Variants in CLVS2 observed in about 807,000 individuals in gnomAD.
The protein encoded by CLVS2 is clavesin-2.
CLVS2 carries 19 observed loss-of-function variants against 29.0 expected under a neutral mutation model. That is an observed-to-expected ratio of 0.66 (90% CI 0.46 to 0.96). The LOEUF is 0.96. Ranked by LOEUF, CLVS2 falls within the 40% of genes least tolerant of loss-of-function variation. The probability of loss-of-function intolerance (pLI) is 0.00; values close to 1 mark genes in which losing one functional copy is unlikely to be tolerated. For synonymous variants in CLVS2, 161 were observed against 151.3 expected, an observed-to-expected ratio of 1.06 and a Z score of -0.47; for missense variants, 294 against 404.1, an observed-to-expected ratio of 0.73 and a Z score of 2.34.
chr6:123,042,866 C>A (rs1270207072), intron 3 of CLVS2, among the ~76,000 whole-genome samples: 4 of 152,050 alleles, frequency 2.6e-5, no homozygotes, highest in African/African-American at 9.7e-5. Flanking sequence ...ACAGCTAATA[C>A]AACATTCTAA....
chr6:123,032,157 C>G (rs1775092152), intron 3 of CLVS2, among the ~76,000 whole-genome samples: 1 of 152,040 alleles, frequency 6.6e-6, no homozygotes, highest in Admixed American at 6.6e-5. Flanking sequence ...AATTCACGTA[C>G]ATTTTCCCCT....
chr6:123,003,580 GA>G (rs961462777), intron 2 of CLVS2, among the ~76,000 whole-genome samples: 5 of 81,154 alleles, frequency 6.2e-5, no homozygotes, highest in Admixed American at 2.6e-4. Context: ...CAAATTAATT[GA>G]AAAAAATACA....
chr6:123,031,958 T>C (rs1334482718), intron 3 of CLVS2, among the ~76,000 whole-genome samples: 2 of 152,168 alleles, frequency 1.3e-5, no homozygotes, highest in African/African-American at 2.4e-5. Flanking sequence ...CACTATTTAG[T>C]GCCAATATCT....
intron 3 of CLVS2, among the ~76,000 whole-genome samples, chr6:123,019,451 T>C (rs1260217082): frequency 6.6e-6 from 1 of 152,060 alleles, no homozygotes; most frequent in African/African-American, 2.4e-5. Flanking sequence ...TTCTATGTAC[T>C]GACTGTTCTC....
At chr6:123,063,281 T>G (rs1582667976) in intron 5 of CLVS2, among the ~76,000 whole-genome samples, 1 of 152,180 alleles carries the variant, frequency 6.6e-6, no homozygotes, top group African/African-American at 2.4e-5. Flanking sequence ...TATTTCTATT[T>G]AGTTTATCAT....
rs1772891701 is a variant in CLVS2 at position 123,068,174 on chromosome 6, T to C, written c.*4413T>C. The stretch of plus-strand genomic sequence containing the variant: ...ATAACAACTTTGTGGATTGAAACAC[T>C]CAAATTAGCCTTTTTTTCAAGGAAG... On this transcript the variant is annotated 3_prime_UTR_variant, in exon 6 of 6. Coordinates refer to ENST00000275162, the MANE Select transcript of CLVS2 (RefSeq NM_001010852.4). The C allele has an allele frequency of 6.6e-6, 1 of 151,526 alleles. No individual in the cohort carries two copies. The highest frequency in any genetic ancestry group is 6.6e-5 in the Admixed American group (1 of 15,154). 9.4% of individuals were successfully genotyped at this position (151,526 alleles called of 1,614,324 possible). A position where few individuals can be genotyped will look rare whatever the true frequency, so the allele number is the denominator to read the frequency against.
chr6:123,012,975 G>A (rs1282774593), intron 3 of CLVS2, among the ~76,000 whole-genome samples: 2 of 151,888 alleles, frequency 1.3e-5, no homozygotes, highest in South Asian at 4.2e-4. Flanking sequence ...ACTTTTTAAT[G>A]CTATATAATT....
In CLVS2 at chr6:123,010,888, T is replaced by A. The variant is rs1446027178; in HGVS notation, c.390-97T>A. 2.2e-5 allele frequency: 16 copies of A among 728,378 alleles called. No homozygotes were observed. In the East Asian group the frequency reaches 4.7e-4, roughly 22 times the overall value. 45.1% of individuals were successfully genotyped at this position (728,378 alleles called of 1,614,324 possible). A position where few individuals can be genotyped will look rare whatever the true frequency, so the allele number is the denominator to read the frequency against. ...AATTATTTCCTTAAGATTCTGAAGG[T>A]ATTTTAAAGTGAATTTTTAGTGTGC... On this transcript the variant is annotated intron_variant, in intron 2 of 5. Coordinates refer to ENST00000275162, the MANE Select transcript of CLVS2 (RefSeq NM_001010852.4).
At chr6:122,998,489 A>G (rs1411774667) in intron 2 of CLVS2, among the ~76,000 whole-genome samples, 1 of 152,162 alleles carries the variant, frequency 6.6e-6, no homozygotes, top group East Asian at 1.9e-4. Context: ...GAAAAAGTTT[A>G]TTGGGCTGGA....
Position 123,072,657 on chromosome 6 carries a change from A to C in CLVS2, c.*8896A>C, listed in dbSNP as rs1173024166. 1.3e-5 allele frequency: 2 copies of C among 152,086 alleles called. No individual in the cohort carries two copies. Among genetic ancestry groups the C allele is most frequent in the Admixed American group, 6.6e-5 (1 of 15,256 alleles). 9.4% of individuals were successfully genotyped at this position (152,086 alleles called of 1,614,324 possible). The stretch of plus-strand genomic sequence containing the variant: ...CTCAAGTATACACAGCACATGAAAG[A>C]TCCTATAGTTCATGTTCTCTTAGGT... On this transcript the variant is annotated 3_prime_UTR_variant, in exon 6 of 6. Coordinates refer to ENST00000275162, the MANE Select transcript of CLVS2 (RefSeq NM_001010852.4).
chr6:123,022,928 A>G (rs1430196817), intron 3 of CLVS2, among the ~76,000 whole-genome samples: 3 of 152,090 alleles, frequency 2.0e-5, no homozygotes, highest in Non-Finnish European at 4.4e-5. Flanking sequence ...TAACTGAGGC[A>G]TGGTGTCTTA....
At position 123,018,276 on chromosome 6, in the gene CLVS2, T is replaced by A. The variant is rs73769339; in HGVS notation, c.564+7117T>A. ...TCTTTTCAGCAGCAATGTAAATGCA[T>A]CTTGATGTGTTCTTCTTTCCCAGCA... is the stretch of plus-strand genomic sequence containing the variant. On this transcript the variant is annotated intron_variant, in intron 3 of 5. Coordinates refer to ENST00000275162, the MANE Select transcript of CLVS2 (RefSeq NM_001010852.4). Among the ~76,000 whole-genome samples the A allele has an allele frequency of 4.0e-3, 613 of 152,174 alleles. 3 individuals are homozygous for A. Among genetic ancestry groups the A allele is most frequent in the African/African-American group, 0.014 (574 of 41,554 alleles).
intron 3 of CLVS2, among the ~76,000 whole-genome samples, chr6:123,026,868 A>T (rs746873531): frequency 8.2e-4 from 125 of 152,198 alleles, no homozygotes; most frequent in Non-Finnish European, 3.1e-4. Flanking sequence ...GAAAAGTTAC[A>T]TCATATGAAG....
At chr6:123,049,617 C>A (rs1772572359) in intron 4 of CLVS2, among the ~76,000 whole-genome samples, 2 of 152,126 alleles carry the variant, frequency 1.3e-5, no homozygotes, top group South Asian at 2.1e-4. Flanking sequence ...GTGCTGTTCC[C>A]AGTTTTCGAA....
Position 122,996,694 on chromosome 6 carries a change from A to C in CLVS2, c.-612A>C, listed in dbSNP as rs1281127478. ...GCCGCCGCTGCTGAAGCCGCGGCTGATGGATGCCAGGGAGTGCCGCATTGC... is the reference window on the plus strand; with the variant it reads ...GCCGCCGCTGCTGAAGCCGCGGCTGCTGGATGCCAGGGAGTGCCGCATTGC... On this transcript the variant is annotated 5_prime_UTR_variant, in exon 1 of 6. An upstream start codon of the reference 5' UTR is lost. Coordinates refer to ENST00000275162, the MANE Select transcript of CLVS2 (RefSeq NM_001010852.4). 1 of 167,670 alleles carries C rather than the reference A, an allele frequency of 6.0e-6. No homozygotes were observed. The highest frequency in any genetic ancestry group is 1.4e-5 in the Non-Finnish European group (1 of 70,132). 10.4% of individuals were successfully genotyped at this position (167,670 alleles called of 1,614,324 possible).
rs1482282386 is a variant in CLVS2 at position 123,030,849 on chromosome 6, TAC to T, written c.565-17765_565-17764del. On this transcript the variant is annotated intron_variant, in intron 3 of 5. Transcript: ENST00000275162. ...TATATATATATAAAATATATATATATACACACACATATATATTCTCATATATA... is the reference window on the plus strand; with the variant it reads ...TATATATATATAAAATATATATATATACACACATATATATTCTCATATATA... Among the ~76,000 whole-genome samples, 40 of 147,822 alleles carry T rather than the reference TAC, an allele frequency of 2.7e-4. 1 individual carries two copies. In the South Asian group the frequency reaches 8.0e-3, roughly 30 times the overall value.
At chr6:123,009,131 C>G (rs1254478489) in intron 2 of CLVS2, among the ~76,000 whole-genome samples, 1 of 151,986 alleles carries the variant, frequency 6.6e-6, no homozygotes, top group Non-Finnish European at 1.5e-5. Flanking sequence ...TGCAAAATTG[C>G]ACAAATGTTT....
Position 122,997,463 on chromosome 6 carries a change from G to T in CLVS2, c.-315G>T. The T allele has an allele frequency of 2.9e-6, 1 of 347,472 alleles. No individual in the cohort carries two copies. The allele number at this position is 347,472 out of a possible 1,614,324, so 21.5% of individuals were successfully genotyped here. On this transcript the variant is annotated 5_prime_UTR_variant, in exon 2 of 6. It adds an upstream start codon to the 5' untranslated region. Coordinates refer to ENST00000275162, the MANE Select transcript of CLVS2 (RefSeq NM_001010852.4). ...GGGGTGATTTGTTAGGAAAGAGAAA[G>T]GACAAGAAGAGGAGTGCGGAGCCCT... is the stretch of plus-strand genomic sequence containing the variant.
intron 4 of CLVS2, among the ~76,000 whole-genome samples, chr6:123,054,546 G>A (rs1052274635): frequency 2.0e-5 from 3 of 152,194 alleles, no homozygotes; most frequent in Non-Finnish European, 4.4e-5. Context: ...ATATTGTAGA[G>A]TAATCTTTCT....
Sources: allele counts gnomAD v4.1 joint callset (sites outside exome capture counted in the v4.1 genomes callset), GRCh38; gene constraint gnomAD v4.1.1; transcripts MANE v1.5; gene names NCBI Gene and HGNC (gene_info 2026-07-23, HGNC 2026-07-21).